Variants in SLC25A26 observed in about 807,000 individuals in gnomAD.
SLC25A26 encodes mitochondrial S-adenosylmethionine carrier protein.
In SLC25A26, 36 loss-of-function variants were observed where a neutral mutation model predicts 37.8. That is an observed-to-expected ratio of 0.95 (90% confidence interval 0.73 to 1.26). The LOEUF is 1.26. Ranked by LOEUF, SLC25A26 falls within the 50% of genes most tolerant of loss-of-function variation. The pLI, the probability that SLC25A26 is intolerant of heterozygous loss-of-function variation, is 0.00. For missense variants in SLC25A26, 390 were observed against 331.1 expected (o/e 1.18, Z -1.38); for synonymous variants, 129 against 122.5 (o/e 1.05, Z -0.35).
intron 7 of SLC25A26, among the ~76,000 whole-genome samples, chr3:66,365,916 C>T (rs150321901): frequency 2.0e-5 from 3 of 152,206 alleles, no homozygotes; most frequent in Non-Finnish European, 2.9e-5. Context: ...GGGGTGGGTT[C>T]GGGCACTTCC....
chr3:66,141,481 A>G (rs186593639), intron 1 of SLC25A26, among the ~76,000 whole-genome samples: 13 of 151,894 alleles, frequency 8.6e-5, no homozygotes, highest in Non-Finnish European at 1.3e-4. Flanking sequence ...GTCCTGTGTC[A>G]TCTTGATGAA....
rs2072671414 is a variant in SLC25A26, at chr3:66,243,287, T to C, written c.275T>C (p.Met92Thr). The C allele has an allele frequency of 3.7e-6, 6 of 1,605,064 alleles. No individual in the cohort carries two copies. The highest frequency in any genetic ancestry group is 2.7e-5 in the African/African-American group (2 of 74,822). Reference sequence around the variant, plus strand: ...TCATATTTGACACCTATGAAACATATGTTGGCTGCCTCTGCTGGAGAAGTG... The same window carrying C: ...TCATATTTGACACCTATGAAACATACGTTGGCTGCCTCTGCTGGAGAAGTG... ...SSSYLTPMKH[M>T]LAASAGEVVA... The change falls in exon 3 of 10, where the codon ATG becomes ACG. Residue 92 changes from methionine to threonine, a missense_variant. Transcript: ENST00000354883.
chr3:66,302,155 A>G (rs535419950), intron 5 of SLC25A26, among the ~76,000 whole-genome samples: 2 of 152,346 alleles, frequency 1.3e-5, no homozygotes, highest in African/African-American at 4.8e-5. Flanking sequence ...GTTGTGCAGA[A>G]GTATATCCTG....
intron 1 of SLC25A26, among the ~76,000 whole-genome samples, chr3:66,201,248 T>C (rs1236294368): frequency 6.6e-6 from 1 of 151,464 alleles, no homozygotes; most frequent in Non-Finnish European, 1.5e-5. Flanking sequence ...ATATAATATG[T>C]AGTTACATAT....
At chr3:66,178,263 T>G (rs1240435929) in intron 1 of SLC25A26, among the ~76,000 whole-genome samples, 2 of 152,156 alleles carry the variant, frequency 1.3e-5, no homozygotes, top group Non-Finnish European at 2.9e-5. Flanking sequence ...GTGCACTGTG[T>G]TTCTTTCCTG....
At chr3:66,249,776 G>C (rs576790179) in intron 3 of SLC25A26, among the ~76,000 whole-genome samples, 9 of 152,206 alleles carry the variant, frequency 5.9e-5, no homozygotes, top group Non-Finnish European at 1.2e-4. Context: ...TGGCTGCCCT[G>C]AGCCACAGTG....
intron 9 of SLC25A26, among the ~76,000 whole-genome samples, chr3:66,375,361 A>AT (rs1459742504): frequency 6.6e-6 from 1 of 152,236 alleles, no homozygotes; most frequent in African/African-American, 2.4e-5. Flanking sequence ...CACTAACACT[A>AT]AACAACAGAT....
intron 1 of SLC25A26, among the ~76,000 whole-genome samples, chr3:66,168,500 C>T (rs1465169444): frequency 6.6e-6 from 1 of 152,154 alleles, no homozygotes; most frequent in East Asian, 1.9e-4. Context: ...CTTTGTAAGG[C>T]ATTTTTAGAA....
At chr3:66,363,393 A>G (rs759479985) in intron 7 of SLC25A26, among the ~76,000 whole-genome samples, 33 of 152,206 alleles carry the variant, frequency 2.2e-4, no homozygotes, top group Non-Finnish European at 1.6e-4. Flanking sequence ...AGGCTCCTCC[A>G]TAACTTACTG....
intron 1 of SLC25A26, among the ~76,000 whole-genome samples, chr3:66,203,073 G>A (rs904218644): frequency 1.8e-4 from 27 of 152,068 alleles, no homozygotes; most frequent in South Asian, 8.3e-4. Context: ...TTCTAGATTC[G>A]TAACTAACTT....
intron 5 of SLC25A26, among the ~76,000 whole-genome samples, chr3:66,297,566 A>T (rs972937767): frequency 6.6e-6 from 1 of 152,122 alleles, no homozygotes; most frequent in Non-Finnish European, 1.5e-5. Context: ...GTGCCTTTTG[A>T]AGTTGTTTAA....
In SLC25A26 at chr3:66,371,989, C is replaced by T. The variant is rs965334620; in HGVS notation, c.707+1387C>T. On this transcript the variant is annotated intron_variant, in intron 9 of 9. Transcript: ENST00000354883. ...TCGCACGCACCTGTAGTCGCAGCTACTCAGGAGGCTGAGCAATCGCTTGAG... is the reference window on the plus strand; with the variant it reads ...TCGCACGCACCTGTAGTCGCAGCTATTCAGGAGGCTGAGCAATCGCTTGAG... 2.6e-5 allele frequency among the ~76,000 whole-genome samples: 4 copies of T among 152,274 alleles called. No homozygotes were observed. The South Asian group carries it at 8.3e-4, about 32-fold the overall frequency.
chr3:66,136,804 C>G (rs533443444), intron 1 of SLC25A26, among the ~76,000 whole-genome samples: 1 of 152,256 alleles, frequency 6.6e-6, no homozygotes, highest in Admixed American at 6.5e-5. Context: ...CCTTTCAGGA[C>G]TTGTTAAGAC....
chr3:66,366,856 C>T (rs776637915), intron 7 of SLC25A26, among the ~76,000 whole-genome samples: 3 of 152,178 alleles, frequency 2.0e-5, no homozygotes, highest in Admixed American at 6.5e-5. Context: ...TCCCAGGTCC[C>T]GCACCAGCTG....
chr3:66,204,425 C>CGAA (rs2071148806), intron 1 of SLC25A26, among the ~76,000 whole-genome samples: 1 of 66,970 alleles, frequency 1.5e-5, no homozygotes, highest in African/African-American at 6.5e-5. Flanking sequence ...TACTCCGTCT[C>CGAA]AAAAAAAAAA....
chr3:66,205,778 AT>A (rs1447497784), intron 1 of SLC25A26, among the ~76,000 whole-genome samples: 1 of 152,166 alleles, frequency 6.6e-6, no homozygotes, highest in African/African-American at 2.4e-5. Flanking sequence ...ATGGGCCAAC[AT>A]TCAAGCTTAC....
intron 6 of SLC25A26, among the ~76,000 whole-genome samples, chr3:66,357,543 C>T (rs577978298): frequency 2.6e-4 from 39 of 152,208 alleles, no homozygotes; most frequent in African/African-American, 8.2e-4. Context: ...CAGCCTCCTC[C>T]GTGAGTTGAG....
At chr3:66,267,896 C>G (rs554998994) in intron 5 of SLC25A26, among the ~76,000 whole-genome samples, 2 of 152,142 alleles carry the variant, frequency 1.3e-5, no homozygotes, top group African/African-American at 4.8e-5. Flanking sequence ...TGGCTGGAAA[C>G]GGGAACCTTC....
At chr3:66,191,026 A>C (rs1449354857) in intron 1 of SLC25A26, among the ~76,000 whole-genome samples, 2 of 148,256 alleles carry the variant, frequency 1.3e-5, no homozygotes, top group Admixed American at 1.4e-4. Flanking sequence ...GTATTAGTGC[A>C]TATAAGCTCA....
Sources: allele counts gnomAD v4.1 joint callset (sites outside exome capture counted in the v4.1 genomes callset), GRCh38; gene constraint gnomAD v4.1.1; transcripts MANE v1.5; gene names NCBI Gene and HGNC (gene_info 2026-07-23, HGNC 2026-07-21).